Variants in FAT4 observed in about 807,000 individuals in gnomAD.
The protein encoded by FAT4 is FAT atypical cadherin 4.
FAT4 carries 84 observed loss-of-function variants against 303.9 expected under a neutral mutation model. That is an observed-to-expected ratio of 0.28 (90% confidence interval 0.23 to 0.33). The LOEUF is 0.33. Among genes scored for constraint, FAT4 ranks in the 10% least tolerant of loss-of-function variants. The pLI is 1.00. For missense variants in FAT4, 6,005 were observed against 6,146.8 expected (o/e 0.98, Z 0.77); for synonymous variants, 2,307 against 2,298.8 (o/e 1.00, Z -0.10).
In FAT4 at chr4:125,492,034, T is replaced by G; in HGVS notation, c.*266T>G. ...CATGCAGCATTTGGAAAATTTTTCT[T>G]ATTTACCAGTGTTTGATTTGTGATT... On this transcript the variant is annotated 3_prime_UTR_variant, in exon 18 of 18. Coordinates refer to ENST00000394329, the MANE Select transcript of FAT4 (RefSeq NM_001291303.3). The G allele has an allele frequency of 2.6e-6, 1 of 391,458 alleles. No individual in the cohort carries two copies. Among genetic ancestry groups the G allele is most frequent in the South Asian group, 5.2e-5 (1 of 19,164 alleles). The allele number at this position is 391,458 out of a possible 1,614,324, so 24.2% of individuals were successfully genotyped here.
intron 8 of FAT4, among the ~76,000 whole-genome samples, chr4:125,435,595 C>T (rs1420948963): frequency 6.6e-6 from 1 of 152,180 alleles, no homozygotes; most frequent in East Asian, 1.9e-4. Context: ...TACTTGGTCT[C>T]TCTAAGAAAT....
intron 2 of FAT4, among the ~76,000 whole-genome samples, chr4:125,385,204 G>A (rs1324602568): frequency 1.3e-5 from 2 of 151,398 alleles, no homozygotes; most frequent in East Asian, 2.0e-4. Flanking sequence ...TGTATATTTA[G>A]TAGAGATGGA....
rs144993129 is a variant in FAT4 at position 125,423,493 on chromosome 4, C to G, written c.7018+6871C>G. Among the ~76,000 whole-genome samples, 47 of 152,266 alleles carry G rather than the reference C, an allele frequency of 3.1e-4. No individual in the cohort carries two copies. In the East Asian group the frequency reaches 8.9e-3, roughly 29 times the overall value. ...GTTGAGCCTGCAGGTGCACAGAGGT[C>G]AAGAAGTAAGGTTTGGGAACCTCCG... On this transcript the variant is annotated intron_variant, in intron 7 of 17. Transcript: ENST00000394329.
At chr4:125,437,443 A>T (rs2126046734) in intron 8 of FAT4, among the ~76,000 whole-genome samples, 1 of 151,700 alleles carries the variant, frequency 6.6e-6, no homozygotes, top group East Asian at 2.0e-4. Context: ...CTATATACAA[A>T]TTTCTTTCAG....
In FAT4 at chr4:125,394,148, G is replaced by A. The variant is rs1016224788; in HGVS notation, c.5176-4636G>A. 14 of 523,188 alleles carry A rather than the reference G, an allele frequency of 2.7e-5. No individual in the cohort carries two copies. The Admixed American group carries it at 3.0e-4, about 11-fold the overall frequency. The allele number at this position is 523,188 out of a possible 1,614,324, so 32.4% of individuals were successfully genotyped here. On this transcript the variant is annotated intron_variant, in intron 2 of 17. Coordinates refer to ENST00000394329, the MANE Select transcript of FAT4 (RefSeq NM_001291303.3). Reference sequence around the variant, plus strand: ...AAACATGGAAGTGCCTTATCTTAACGGGATCATGAATCTTCATCTTTAAAG... The same window carrying A: ...AAACATGGAAGTGCCTTATCTTAACAGGATCATGAATCTTCATCTTTAAAG...
intron 4 of FAT4, among the ~76,000 whole-genome samples, chr4:125,408,025 A>G (rs1291529346): frequency 6.6e-6 from 1 of 152,110 alleles, no homozygotes; most frequent in Non-Finnish European, 1.5e-5. Context: ...TGACTTAGTT[A>G]TTGCAATGAC....
At chr4:125,488,845 T>C (rs1392841223) in intron 17 of FAT4, among the ~76,000 whole-genome samples, 1 of 151,964 alleles carries the variant, frequency 6.6e-6, no homozygotes, top group Non-Finnish European at 1.5e-5. Flanking sequence ...CATGAGGGCG[T>C]AGAGTGAAAA....
At chr4:125,339,366 T>G (rs1235832970) in intron 2 of FAT4, among the ~76,000 whole-genome samples, 1 of 151,976 alleles carries the variant, frequency 6.6e-6, no homozygotes, top group African/African-American at 2.4e-5. Context: ...TGGCTAATTT[T>G]TTTGTATTTT....
In FAT4 at chr4:125,463,586, A is replaced by G; in HGVS notation, c.11824A>G (p.Asn3942Asp). 6.3e-7 allele frequency: 1 copy of G among 1,592,176 alleles called. No homozygotes were observed. The highest frequency in any genetic ancestry group is 1.3e-5 in the African/African-American group (1 of 74,704). ...YTGKMCESSV[N>D]YCECNPCFNG... ...AGGGAAAATGTGTGAATCTTCAGTC[A>G]ATTACTGTGAATGCAACCCCTGCTT... is the stretch of plus-strand genomic sequence containing the variant. The change falls in exon 11 of 18, where the codon AAT becomes GAT. Residue 3942 changes from asparagine (N) to aspartate (D), a missense_variant. Transcript: ENST00000394329.
chr4:125,467,129 C>A (rs1250692966), intron 11 of FAT4, among the ~76,000 whole-genome samples: 1 of 141,984 alleles, frequency 7.0e-6, no homozygotes. Context: ...TCAGTCTGGA[C>A]AGAAAAGGAA....
chr4:125,424,972 T>C (rs1725039292), intron 7 of FAT4, among the ~76,000 whole-genome samples: 1 of 152,146 alleles, frequency 6.6e-6, no homozygotes, highest in Non-Finnish European at 1.5e-5. Context: ...TTAGGGCAAA[T>C]TACCAAGACT....
chr4:125,426,349 A>G (rs6816596), intron 7 of FAT4, among the ~76,000 whole-genome samples: 151,086 of 152,140 alleles, frequency 0.99, 75,025 homozygotes, highest in Middle Eastern at 1. Context: ...AAATCAAATC[A>G]TGCTAGAGTT....
intron 7 of FAT4, among the ~76,000 whole-genome samples, chr4:125,426,929 T>C (rs1725106167): frequency 6.6e-6 from 1 of 151,920 alleles, no homozygotes; most frequent in East Asian, 1.9e-4. Context: ...TTCAAAAAAG[T>C]TTTCTAATTC....
intron 7 of FAT4, among the ~76,000 whole-genome samples, chr4:125,421,360 C>CTTAT (rs1230011246): frequency 3.6e-4 from 55 of 152,308 alleles, no homozygotes; most frequent in African/African-American, 1.3e-3. Flanking sequence ...AAGGGCCCAT[C>CTTAT]ATTTCACACC....
intron 12 of FAT4, among the ~76,000 whole-genome samples, chr4:125,471,316 T>C (rs1726848183): frequency 6.6e-6 from 1 of 152,224 alleles, no homozygotes; most frequent in Admixed American, 6.5e-5. Flanking sequence ...AAGCACATGC[T>C]GTTGGAAAAA....
chr4:125,380,434 T>C (rs745570553), intron 2 of FAT4, among the ~76,000 whole-genome samples: 1 of 152,156 alleles, frequency 6.6e-6, no homozygotes, highest in Non-Finnish European at 1.5e-5. Context: ...TTAAGGGAAA[T>C]GTAATGTAAA....
At position 125,317,068 on chromosome 4, in the gene FAT4, G is replaced by C. The variant is rs1730636995; in HGVS notation, c.657G>C (p.Leu219=). 3.1e-6 allele frequency: 5 copies of C among 1,614,036 alleles called. No individual in the cohort carries two copies. The East Asian group carries it at 1.1e-4, about 36-fold the overall frequency. Residue 219 remains leucine (L), a synonymous_variant, in exon 2 of 18, where the codon CTG becomes CTC. Coordinates refer to ENST00000394329, the MANE Select transcript of FAT4 (RefSeq NM_001291303.3). The surrounding 1 kb of genome is among the most constrained non-coding windows in gnomAD (Gnocchi z 7.0). ...AGGTCACTCCGCAGTACCAGCTCCT[G>C]GTTGAGGTGGAGGACAAGGGTGAGC... ...DREVTPQYQL[L]VEVEDKGEPK...
At chr4:125,362,781 G>A (rs931806927) in intron 2 of FAT4, 2 of 152,122 alleles carry the variant, frequency 1.3e-5, no homozygotes, top group Non-Finnish European at 2.9e-5. Context: ...AGCTATGTGA[G>A]GGAATCCAGC....
At chr4:125,416,678 G>A in intron 7 of FAT4, 56 bp downstream of exon 7, 2 of 1,562,346 alleles carry the variant, frequency 1.3e-6, no homozygotes, top group African/African-American at 1.4e-5. Context: ...AGGCACGGTG[G>A]CTCATGCCTG....
Sources: gnomAD v4.1 joint callset for allele counts (sites outside exome capture counted in the v4.1 genomes callset) on GRCh38, gnomAD v4.1.1 for gene constraint, Gnocchi (gnomAD v3.1) non-coding constraint, MANE v1.5 for transcripts, NCBI Gene and HGNC (gene_info 2026-07-23, HGNC 2026-07-21) for gene names.